Variants in ARL15 observed in about 807,000 individuals in gnomAD.
The protein encoded by ARL15 is ARF like GTPase 15.
In ARL15, 19 loss-of-function variants were observed where a neutral mutation model predicts 25.2. The ratio of observed to expected loss-of-function variants is 0.75; its 90% confidence interval spans 0.53 to 1.10. The LOEUF (loss-of-function observed/expected upper bound fraction) is 1.10, where lower values mean the gene tolerates loss of function less well. Ranked by LOEUF, ARL15 falls within the 50% of genes least tolerant of loss-of-function variation. The pLI, the probability that ARL15 is intolerant of heterozygous loss-of-function variation, is 0.00. For synonymous variants in ARL15, 94 were observed against 86.8 expected (o/e 1.08, Z -0.46); for missense variants, 220 against 246.0 (o/e 0.89, Z 0.71).
At chr5:54,305,259 G>A (rs1175344429) in intron 1 of ARL15, among the ~76,000 whole-genome samples, 1 of 152,104 alleles carries the variant, frequency 6.6e-6, no homozygotes, top group African/African-American at 2.4e-5. Context: ...CAGCACTTTG[G>A]GAGGTCGAGG....
At chr5:54,149,913 G>A (rs551532364) in intron 3 of ARL15, among the ~76,000 whole-genome samples, 30 of 152,284 alleles carry the variant, frequency 2.0e-4, no homozygotes, top group South Asian at 4.1e-4. Context: ...AAAACAAAAA[G>A]TTCACGAAGT....
chr5:54,116,418 G>A (rs764900944), intron 3 of ARL15, among the ~76,000 whole-genome samples: 14 of 152,164 alleles, frequency 9.2e-5, no homozygotes, highest in Non-Finnish European at 1.9e-4. Flanking sequence ...CAAAACTGGA[G>A]GCAGTGTTAC....
chr5:54,067,535 G>A (rs1436363746), intron 4 of ARL15, among the ~76,000 whole-genome samples: 4 of 152,160 alleles, frequency 2.6e-5, no homozygotes, highest in Non-Finnish European at 5.9e-5. Flanking sequence ...AATATGTACA[G>A]GAAGAACCTA....
intron 1 of ARL15, among the ~76,000 whole-genome samples, chr5:54,198,189 A>G (rs564160417): frequency 1.3e-5 from 2 of 152,230 alleles, no homozygotes; most frequent in Non-Finnish European, 2.9e-5. Flanking sequence ...AGCCAATATC[A>G]TACTGAATGG....
At chr5:54,299,324 C>T (rs947590606) in intron 1 of ARL15, among the ~76,000 whole-genome samples, 2 of 152,158 alleles carry the variant, frequency 1.3e-5, no homozygotes, top group African/African-American at 2.4e-5. Flanking sequence ...CACAACTGAA[C>T]CCTCATGCAT....
chr5:53,912,800 T>C lies in ARL15; in HGVS notation c.463-26087A>G, dbSNP rs548478212. On this transcript the variant is annotated intron_variant, in intron 4 of 4. Transcript: ENST00000504924. ...ATTCAACAGATACTCAACAGGAACC[T>C]ACTACATGCCAGATACTCTTCTAGA... 1.4e-4 allele frequency among the ~76,000 whole-genome samples: 22 copies of C among 152,320 alleles called. No homozygotes were observed. The South Asian group carries it at 3.5e-3, about 24-fold the overall frequency.
chr5:54,015,219 G>A (rs1484820969), intron 4 of ARL15, among the ~76,000 whole-genome samples: 7 of 151,606 alleles, frequency 4.6e-5, no homozygotes, highest in African/African-American at 1.5e-4. Flanking sequence ...TTGAACCTAG[G>A]AGGCAGAAGT....
chr5:54,150,626 T>C (rs165942), intron 3 of ARL15, among the ~76,000 whole-genome samples: 31,762 of 151,752 alleles, frequency 0.21, 4,032 homozygotes, highest in East Asian at 0.68. Flanking sequence ...GGCGAAACCT[T>C]GTCTCTACTA....
chr5:53,992,153 T>C (rs1051280505), intron 4 of ARL15, among the ~76,000 whole-genome samples: 1 of 152,184 alleles, frequency 6.6e-6, no homozygotes, highest in Non-Finnish European at 1.5e-5. Context: ...CGCCATCTAA[T>C]GTTGAAGCTG....
At chr5:53,893,192 T>C (rs1744774825) in intron 4 of ARL15, among the ~76,000 whole-genome samples, 1 of 152,164 alleles carries the variant, frequency 6.6e-6, no homozygotes, top group African/African-American at 2.4e-5. Flanking sequence ...GTGTGCATTC[T>C]CCTTCCAACT....
At chr5:54,289,551 A>G (rs2112686274) in intron 1 of ARL15, among the ~76,000 whole-genome samples, 1 of 152,340 alleles carries the variant, frequency 6.6e-6, no homozygotes, top group South Asian at 2.1e-4. Flanking sequence ...AAGTCACAGC[A>G]TTAGACACTC....
intron 1 of ARL15, among the ~76,000 whole-genome samples, chr5:54,192,661 G>A: frequency 9.8e-6 from 1 of 102,372 alleles, no homozygotes; most frequent in African/African-American, 3.9e-5. Context: ...AAGAGTTGGG[G>A]TGGGGGGCGG....
chr5:54,065,540 C>T lies in ARL15; in HGVS notation c.462+47662G>A, dbSNP rs190852578. Among the ~76,000 whole-genome samples, 747 of 109,162 alleles carry T rather than the reference C, an allele frequency of 6.8e-3. 5 individuals carry two copies. Among genetic ancestry groups the T allele is most frequent in the African/African-American group, 0.037 (717 of 19,242 alleles). The allele number at this position is 109,162 out of a possible 152,430, so 71.6% of individuals were successfully genotyped here. ...AATTAGCCAGGTGTGGTGGCATGCA[C>T]CTGTAGTCCCAGCTACTCCGGAGGC... is the stretch of plus-strand genomic sequence containing the variant. On this transcript the variant is annotated intron_variant, in intron 4 of 4. Transcript: ENST00000504924.
intron 4 of ARL15, among the ~76,000 whole-genome samples, chr5:54,015,944 A>C (rs1269695870): frequency 1.3e-5 from 2 of 152,208 alleles, no homozygotes; most frequent in Admixed American, 6.5e-5. Context: ...CTGCATAATA[A>C]TACAACTTTT....
rs948000517 is a variant in ARL15 at position 53,963,150 on chromosome 5, T to C, written c.463-76437A>G. On this transcript the variant is annotated intron_variant, in intron 4 of 4. Coordinates refer to ENST00000504924, the MANE Select transcript of ARL15 (RefSeq NM_019087.3). Reference sequence around the variant, plus strand: ...GATGGGAAGAATTTGAGAGTAGATGTTTACTACCTAATTAGCACATTTATC... The same window carrying C: ...GATGGGAAGAATTTGAGAGTAGATGCTTACTACCTAATTAGCACATTTATC... Among the ~76,000 whole-genome samples, 14 of 152,182 alleles carry C rather than the reference T, an allele frequency of 9.2e-5. 1 individual carries two copies. The highest frequency in any genetic ancestry group is 4.6e-4 in the Admixed American group (7 of 15,278).
intron 3 of ARL15, among the ~76,000 whole-genome samples, chr5:54,124,184 G>A (rs369299724): frequency 6.6e-6 from 1 of 152,130 alleles, no homozygotes; most frequent in African/African-American, 2.4e-5. Context: ...GTTCCACAGT[G>A]CTGAATTTTC....
chr5:54,181,031 A>G (rs965353202), intron 1 of ARL15, among the ~76,000 whole-genome samples: 8 of 152,206 alleles, frequency 5.3e-5, no homozygotes, highest in Non-Finnish European at 1.2e-4. Context: ...TGTGGAATTC[A>G]AGATGAACCA....
At chr5:54,183,502 A>G (rs1195156455) in intron 1 of ARL15, among the ~76,000 whole-genome samples, 14 of 138,514 alleles carry the variant, frequency 1.0e-4, no homozygotes, top group Non-Finnish European at 2.2e-4. Flanking sequence ...GATGAAGCCC[A>G]CTTGATCATG....
At chr5:53,931,581 A>G (rs1561154642) in intron 4 of ARL15, among the ~76,000 whole-genome samples, 4 of 152,186 alleles carry the variant, frequency 2.6e-5, no homozygotes, top group Admixed American at 2.6e-4. Flanking sequence ...ACAGAAGTCA[A>G]CACCTTTACC....
Sources: gnomAD v4.1 joint callset for allele counts (sites outside exome capture counted in the v4.1 genomes callset) on GRCh38, gnomAD v4.1.1 for gene constraint, MANE v1.5 for transcripts, NCBI Gene and HGNC (gene_info 2026-07-23, HGNC 2026-07-21) for gene names.